Variants in GAREM1 observed in about 807,000 individuals in gnomAD.
GAREM1 encodes the protein GRB2 associated regulator of MAPK1 subtype 1.
GAREM1 carries 26 observed loss-of-function variants against 71.3 expected under a neutral mutation model. The observed-to-expected ratio is 0.36, with a 90% CI of 0.27 to 0.51. GAREM1 has a LOEUF of 0.51. Ranked by LOEUF, GAREM1 falls within the 20% of genes least tolerant of loss-of-function variation. GAREM1 has a pLI of 0.95. For missense variants in GAREM1, 1,026 were observed against 1,103.1 expected (o/e 0.93, Z 0.99); for synonymous variants, 440 against 433.2 (o/e 1.02, Z -0.20).
At chr18:32,318,025 T>C (rs188560385) in intron 2 of GAREM1, among the ~76,000 whole-genome samples, 2 of 152,292 alleles carry the variant, frequency 1.3e-5, no homozygotes, top group Non-Finnish European at 2.9e-5. Context: ...ACTGTCAAAC[T>C]CTGTTCTTGA....
chr18:32,385,972 G>A (rs912040193), intron 2 of GAREM1, among the ~76,000 whole-genome samples: 3 of 152,024 alleles, frequency 2.0e-5, no homozygotes, highest in Admixed American at 2.0e-4. Flanking sequence ...TTTAGTTATT[G>A]TTAACTATAA....
intron 2 of GAREM1, among the ~76,000 whole-genome samples, chr18:32,380,231 T>C (rs1338289728): frequency 6.6e-6 from 1 of 152,084 alleles, no homozygotes; most frequent in African/African-American, 2.4e-5. Context: ...ATCCTAGCAC[T>C]TTGGGAGGCC....
intron 1 of GAREM1, among the ~76,000 whole-genome samples, chr18:32,395,904 A>G (rs7233422): frequency 0.25 from 37,518 of 152,102 alleles, 5,747 homozygotes; most frequent in African/African-American, 0.44. Context: ...TTAACTGGGA[A>G]GCACCCCTGA....
intron 1 of GAREM1, among the ~76,000 whole-genome samples, chr18:32,418,662 T>C (rs2144693471): frequency 6.6e-6 from 1 of 152,154 alleles, no homozygotes; most frequent in East Asian, 1.9e-4. Flanking sequence ...CCATACCAAG[T>C]ATCATAATAC....
At chr18:32,351,177 T>C (rs190179766) in intron 2 of GAREM1, among the ~76,000 whole-genome samples, 3 of 152,274 alleles carry the variant, frequency 2.0e-5, no homozygotes, top group Admixed American at 1.3e-4. Context: ...TAATTTTCAT[T>C]CAATTGCGTT....
chr18:32,404,885 G>A (rs899964640), intron 1 of GAREM1, among the ~76,000 whole-genome samples: 30 of 152,130 alleles, frequency 2.0e-4, no homozygotes, highest in South Asian at 2.1e-4. Context: ...CAGATTGGCT[G>A]AACTTGATAT....
At chr18:32,412,998 A>T in intron 1 of GAREM1, 2 of 1,596,042 alleles carry the variant, frequency 1.3e-6, no homozygotes, top group Non-Finnish European at 1.7e-6. Flanking sequence ...GGCATATGTG[A>T]CAAACCCAAA....
chr18:32,348,476 C>A (rs1428666213), intron 2 of GAREM1, among the ~76,000 whole-genome samples: 1 of 152,170 alleles, frequency 6.6e-6, no homozygotes, highest in Non-Finnish European at 1.5e-5. Flanking sequence ...GTAATCCCAG[C>A]ACTTTGGGAG....
At chr18:32,461,709 T>C (rs1293820940) in intron 1 of GAREM1, among the ~76,000 whole-genome samples, 1 of 151,962 alleles carries the variant, frequency 6.6e-6, no homozygotes, top group Non-Finnish European at 1.5e-5. Flanking sequence ...AATAAATAAA[T>C]AAATAATAAT....
chr18:32,403,654 T>C (rs2048338020), intron 1 of GAREM1, among the ~76,000 whole-genome samples: 1 of 152,046 alleles, frequency 6.6e-6, no homozygotes, highest in Admixed American at 6.6e-5. Context: ...CAACTCACTG[T>C]AGCATCAACC....
chr18:32,400,439 A>C (rs2048303331), intron 1 of GAREM1, among the ~76,000 whole-genome samples: 2 of 152,374 alleles, frequency 1.3e-5, no homozygotes, highest in South Asian at 2.1e-4. Flanking sequence ...CAAAGGGCTA[A>C]TATCCAGAAT....
intron 2 of GAREM1, among the ~76,000 whole-genome samples, chr18:32,327,511 G>T (rs619154): frequency 0.16 from 24,249 of 152,030 alleles, 1,993 homozygotes; most frequent in South Asian, 0.19. Flanking sequence ...AGAAAGCGGG[G>T]ATGATGAAAG....
chr18:32,405,487 C>T (rs542597372), intron 1 of GAREM1, among the ~76,000 whole-genome samples: 14 of 152,274 alleles, frequency 9.2e-5, no homozygotes, highest in African/African-American at 2.6e-4. Flanking sequence ...CTTGGGCCAC[C>T]GAGCCCGGCC....
chr18:32,386,339 C>T (rs1356464656), intron 2 of GAREM1, among the ~76,000 whole-genome samples: 1 of 152,204 alleles, frequency 6.6e-6, no homozygotes, highest in African/African-American at 2.4e-5. Flanking sequence ...GAGACAAACA[C>T]TGCACATCCT....
chr18:32,357,959 T>A (rs1349154927), intron 2 of GAREM1, among the ~76,000 whole-genome samples: 1 of 152,192 alleles, frequency 6.6e-6, no homozygotes, highest in Non-Finnish European at 1.5e-5. Flanking sequence ...TACACTATTG[T>A]TACTCTAGAT....
rs1422336559 is a variant in GAREM1 at position 32,470,515 on chromosome 18, G to T, written c.-87C>A. 6 of 993,924 alleles carry T rather than the reference G, an allele frequency of 6.0e-6. No homozygotes were observed. The highest frequency in any genetic ancestry group is 7.3e-6 in the Non-Finnish European group (6 of 821,486). 61.6% of individuals were successfully genotyped at this position (993,924 alleles called of 1,614,324 possible). On this transcript the variant is annotated 5_prime_UTR_variant, in exon 1 of 6. Coordinates refer to ENST00000269209, the MANE Select transcript of GAREM1 (RefSeq NM_001242409.2). The surrounding 1 kb of genome is among the most constrained non-coding windows in gnomAD (Gnocchi z 4.4). The stretch of plus-strand genomic sequence containing the variant: ...GGCGGCCGCCGCTGCTCGCGCTCGC[G>T]GTCTGGGGCGCGCGGGAGGCGCCGG...
At chr18:32,343,653 T>C (rs1231080389) in intron 2 of GAREM1, among the ~76,000 whole-genome samples, 1 of 152,174 alleles carries the variant, frequency 6.6e-6, no homozygotes, top group African/African-American at 2.4e-5. Flanking sequence ...AAACAAAATG[T>C]GTACTTCATA....
intron 2 of GAREM1, among the ~76,000 whole-genome samples, chr18:32,330,156 C>T (rs1341648902): frequency 6.6e-6 from 1 of 152,130 alleles, no homozygotes; most frequent in African/African-American, 2.4e-5. Context: ...TACATATATA[C>T]CACAGAATAC....
chr18:32,428,937 T>A (rs1182030814), intron 1 of GAREM1, among the ~76,000 whole-genome samples: 1 of 152,072 alleles, frequency 6.6e-6, no homozygotes, highest in Non-Finnish European at 1.5e-5. Context: ...GTTCAAGTTT[T>A]TTTTTTTGTA....
Sources: allele counts gnomAD v4.1 joint callset (sites outside exome capture counted in the v4.1 genomes callset), GRCh38; gene constraint gnomAD v4.1.1; non-coding constraint Gnocchi (gnomAD v3.1); transcripts MANE v1.5; gene names NCBI Gene and HGNC (gene_info 2026-07-23, HGNC 2026-07-21).